PLD1: variants seen among roughly 807,000 people sequenced by gnomAD.
PLD1 encodes choline phosphatase 1.
Under a neutral mutation model 137.1 loss-of-function variants are expected in PLD1, and 112 were observed. The observed-to-expected ratio is 0.82, with a 90% CI of 0.70 to 0.96. The LOEUF is 0.96. Among genes scored for constraint, PLD1 ranks in the 40% least tolerant of loss-of-function variants. The probability of loss-of-function intolerance (pLI) is 0.00; values close to 1 mark genes in which losing one functional copy is unlikely to be tolerated. For synonymous variants in PLD1, 431 were observed against 454.7 expected (o/e 0.95, Z 0.66); for missense variants, 1,321 against 1,342.0 (o/e 0.98, Z 0.24).
intron 19 of PLD1, among the ~76,000 whole-genome samples, chr3:171,673,648 C>T (rs1313792548): frequency 6.6e-6 from 1 of 152,152 alleles, no homozygotes; most frequent in African/African-American, 2.4e-5. Flanking sequence ...TCCAATTGCA[C>T]ACGATGCAAA....
intron 23 of PLD1, among the ~76,000 whole-genome samples, chr3:171,632,190 T>C (rs1046863379): frequency 6.6e-6 from 1 of 152,060 alleles, no homozygotes; most frequent in African/African-American, 2.4e-5. Flanking sequence ...ATAATGGACA[T>C]ACCCAAATTG....
intron 8 of PLD1, among the ~76,000 whole-genome samples, chr3:171,716,982 T>C (rs548833031): frequency 2.0e-4 from 31 of 152,340 alleles, no homozygotes; most frequent in African/African-American, 6.5e-4. Flanking sequence ...CCATTGCTTG[T>C]TTTTGTCAGC....
intron 1 of PLD1, among the ~76,000 whole-genome samples, chr3:171,791,068 T>C (rs1723193229): frequency 6.6e-6 from 1 of 152,246 alleles, no homozygotes; most frequent in Admixed American, 6.5e-5. Flanking sequence ...CTTTTTCGTA[T>C]TTCTCCATGT....
Position 171,726,061 on chromosome 3 carries a change from T to A in PLD1, c.622A>T (p.Ile208Leu), listed in dbSNP as rs201760337. ...TCATGGATGAAAGACAGCTGGCTTA[T>A]ATCAAGAAACTCTGTCTGAAAAGAA... ...NYHATTEFLD[I>L]SQLSFIHDLG... Residue 208 changes from isoleucine to leucine, a missense_variant, in exon 7 of 27, where the codon ATA (isoleucine) becomes TTA (leucine). Transcript: ENST00000351298. 1.4e-4 allele frequency: 225 copies of A among 1,612,296 alleles called. 1 individual carries two copies. Among genetic ancestry groups the A allele is most frequent in the Middle Eastern group, 3.3e-4 (2 of 6,074 alleles).
chr3:171,793,230 T>G (rs9855210), intron 1 of PLD1: 46,014 of 152,148 alleles, frequency 0.3, 7,285 homozygotes, highest in Admixed American at 0.36. Context: ...CTGGCTCATA[T>G]AGGCTCCTGA....
At chr3:171,696,378 C>G (rs1383737587) in intron 12 of PLD1, among the ~76,000 whole-genome samples, 2 of 151,888 alleles carry the variant, frequency 1.3e-5, no homozygotes, top group Non-Finnish European at 1.5e-5. Context: ...ATCAGAAGGC[C>G]AAAGAAATAG....
intron 23 of PLD1, among the ~76,000 whole-genome samples, chr3:171,632,267 C>G (rs557980593): frequency 6.6e-6 from 1 of 152,194 alleles, no homozygotes; most frequent in Non-Finnish European, 1.5e-5. Context: ...AGCTCTGCCA[C>G]CCCCCAAAAT....
intron 8 of PLD1, among the ~76,000 whole-genome samples, chr3:171,719,053 T>C (rs1717889801): frequency 6.6e-6 from 1 of 152,180 alleles, no homozygotes; most frequent in South Asian, 2.1e-4. Flanking sequence ...TCTCTCACAA[T>C]GTTAGTCAAT....
intron 9 of PLD1, among the ~76,000 whole-genome samples, chr3:171,712,020 T>C (rs560199848): frequency 1.3e-5 from 2 of 152,306 alleles, no homozygotes; most frequent in Admixed American, 1.3e-4. Context: ...AAGAAGACTA[T>C]GCGTGAGGAG....
At chr3:171,799,922 T>G (rs1396221067) in intron 1 of PLD1, among the ~76,000 whole-genome samples, 1 of 152,046 alleles carries the variant, frequency 6.6e-6, no homozygotes, top group African/African-American at 2.4e-5. Flanking sequence ...ACAAGGAAAG[T>G]CTGAGCAACC....
At chr3:171,694,812 A>C (rs1247279678) in intron 12 of PLD1, among the ~76,000 whole-genome samples, 1 of 152,198 alleles carries the variant, frequency 6.6e-6, no homozygotes, top group Non-Finnish European at 1.5e-5. Flanking sequence ...TAGAGATATT[A>C]ACACTAATGG....
At chr3:171,701,805 T>A (rs1366960016) in intron 11 of PLD1, among the ~76,000 whole-genome samples, 1 of 152,182 alleles carries the variant, frequency 6.6e-6, no homozygotes, top group Admixed American at 6.5e-5. Context: ...AGGACACCAG[T>A]GACTGTAGGA....
intron 1 of PLD1, chr3:171,765,549 G>T (rs971192920): frequency 2.6e-5 from 4 of 152,128 alleles, no homozygotes; most frequent in Admixed American, 2.6e-4. Flanking sequence ...GTGTGAAAAC[G>T]AGCAGAATAT....
intron 11 of PLD1, among the ~76,000 whole-genome samples, chr3:171,703,709 A>G (rs1182742370): frequency 6.6e-6 from 1 of 152,198 alleles, no homozygotes; most frequent in Admixed American, 6.5e-5. Flanking sequence ...AAAAAGAAGT[A>G]CCACCTAACC....
intron 23 of PLD1, among the ~76,000 whole-genome samples, chr3:171,625,942 C>T (rs987126353): frequency 2.6e-5 from 4 of 152,134 alleles, no homozygotes; most frequent in Admixed American, 6.5e-5. Context: ...AAAAGCAGAG[C>T]GCCTCTCCTC....
At chr3:171,710,416 CGAGAT>C (rs1420540620) in intron 9 of PLD1, among the ~76,000 whole-genome samples, 4 of 152,082 alleles carry the variant, frequency 2.6e-5, no homozygotes, top group African/African-American at 9.7e-5. Flanking sequence ...GGAGTAGTTT[CGAGAT>C]GAAACCGTTC....
intron 22 of PLD1, among the ~76,000 whole-genome samples, chr3:171,644,185 T>C (rs1169309196): frequency 2.0e-5 from 3 of 152,026 alleles, no homozygotes; most frequent in Non-Finnish European, 4.4e-5. Flanking sequence ...TTCAGAAAAA[T>C]AAGAGATTTT....
At chr3:171,770,741 T>C (rs1050842649) in intron 1 of PLD1, among the ~76,000 whole-genome samples, 1 of 151,404 alleles carries the variant, frequency 6.6e-6, no homozygotes, top group Admixed American at 6.6e-5. Flanking sequence ...AAAAAAAAAT[T>C]AGCTGGGTGC....
At chr3:171,676,424 A>G (rs1713356630) in intron 18 of PLD1, among the ~76,000 whole-genome samples, 1 of 152,136 alleles carries the variant, frequency 6.6e-6, no homozygotes, top group South Asian at 2.1e-4. Context: ...AGGCTACTAA[A>G]TGCTTAGTCA....
Sources: gnomAD v4.1 joint callset for allele counts (sites outside exome capture counted in the v4.1 genomes callset) on GRCh38, gnomAD v4.1.1 for gene constraint, MANE v1.5 for transcripts, NCBI Gene and HGNC (gene_info 2026-07-23, HGNC 2026-07-21) for gene names.